MGAT5: variants seen among roughly 807,000 people sequenced by gnomAD.
MGAT5 encodes alpha-1,6-mannosylglycoprotein 6-beta-N-acetylglucosaminyltransferase A.
MGAT5 carries 30 observed loss-of-function variants against 94.3 expected under a neutral mutation model. That is an observed-to-expected ratio of 0.32 (90% CI 0.24 to 0.43). MGAT5 has a LOEUF of 0.43. Ranked by LOEUF, MGAT5 falls within the 20% of genes least tolerant of loss-of-function variation. MGAT5 has a pLI of 1.00. For missense variants in MGAT5, 691 were observed against 905.5 expected, an observed-to-expected ratio of 0.76 and a Z score of 3.04; for synonymous variants, 310 against 322.9, an observed-to-expected ratio of 0.96 and a Z score of 0.43.
intron 1 of MGAT5, among the ~76,000 whole-genome samples, chr2:134,189,612 T>TTTGTTTTGTTTTGTTTTG (rs1558978244): frequency 5.4e-5 from 5 of 92,900 alleles, no homozygotes; most frequent in African/African-American, 2.4e-4. Context: ...GTTTTTTTTT[T>TTTGTTTTGTTTTGTTTTG]TTTTTTTTAA....
intron 1 of MGAT5, among the ~76,000 whole-genome samples, chr2:134,166,358 C>G (rs1458279620): frequency 1.3e-5 from 2 of 152,206 alleles, no homozygotes; most frequent in African/African-American, 2.4e-5. Flanking sequence ...GACTTTTATT[C>G]TCTTCCTCTC....
intron 12 of MGAT5, among the ~76,000 whole-genome samples, chr2:134,420,494 C>G (rs1447573018): frequency 1.3e-5 from 2 of 152,134 alleles, no homozygotes; most frequent in African/African-American, 4.8e-5. Flanking sequence ...CTGCTGGGCC[C>G]AGGGACTTGT....
intron 14 of MGAT5, among the ~76,000 whole-genome samples, chr2:134,436,623 C>A (rs1277679609): frequency 6.6e-6 from 1 of 152,120 alleles, no homozygotes; most frequent in Admixed American, 6.5e-5. Context: ...CCCTGCTGGA[C>A]CTGAGGTGCA....
rs113282395 is a variant in MGAT5 at position 134,339,418 on chromosome 2, A to G, written c.807+998A>G. On this transcript the variant is annotated intron_variant, in intron 6 of 15. Transcript: ENST00000281923. ...TATACATAAAGATATATACAGATAC[A>G]TATATTTGCTTCTTGCTGTTAGTTT... is the stretch of plus-strand genomic sequence containing the variant. 5.9e-3 allele frequency among the ~76,000 whole-genome samples: 892 copies of G among 152,318 alleles called. 13 individuals are homozygous for G. Among genetic ancestry groups the G allele is most frequent in the African/African-American group, 0.02 (837 of 41,566 alleles).
chr2:134,178,367 G>A (rs867091297), intron 1 of MGAT5, among the ~76,000 whole-genome samples: 1 of 152,154 alleles, frequency 6.6e-6, no homozygotes, highest in Non-Finnish European at 1.5e-5. Flanking sequence ...TCCACCCCCA[G>A]GACTGTGGAG....
At chr2:134,127,270 G>A (rs1174359391) in intron 1 of MGAT5, 1 of 154,544 alleles carries the variant, frequency 6.5e-6, no homozygotes, top group Non-Finnish European at 1.5e-5. Flanking sequence ...CCTTCCCTCT[G>A]TAAAAAAGTT....
intron 1 of MGAT5, among the ~76,000 whole-genome samples, chr2:134,120,499 G>A (rs1202905569): frequency 6.6e-6 from 1 of 151,718 alleles, no homozygotes; most frequent in African/African-American, 2.4e-5. Flanking sequence ...GCAGGACGCC[G>A]GAGTGGAGCC....
intron 1 of MGAT5, among the ~76,000 whole-genome samples, chr2:134,184,762 C>G (rs1688919723): frequency 6.6e-6 from 1 of 151,990 alleles, no homozygotes; most frequent in Admixed American, 6.6e-5. Context: ...GAGCAGAGAA[C>G]ATGACTGAGC....
chr2:134,265,000 A>G (rs1032896252), intron 1 of MGAT5, among the ~76,000 whole-genome samples: 2 of 152,208 alleles, frequency 1.3e-5, no homozygotes, highest in African/African-American at 4.8e-5. Context: ...GTAGATCTCA[A>G]CCTTGGCTGT....
chr2:134,165,169 G>A (rs1687913098), intron 1 of MGAT5, among the ~76,000 whole-genome samples: 3 of 152,114 alleles, frequency 2.0e-5, no homozygotes. Context: ...TTTTCTTTAG[G>A]TTGAAATAAC....
intron 1 of MGAT5, among the ~76,000 whole-genome samples, chr2:134,202,405 G>T (rs1310990843): frequency 6.6e-6 from 1 of 152,246 alleles, no homozygotes; most frequent in African/African-American, 2.4e-5. Context: ...CATCTATGAA[G>T]CAGACAGTAG....
intron 1 of MGAT5, among the ~76,000 whole-genome samples, chr2:134,208,639 C>G (rs1680137408): frequency 6.6e-6 from 1 of 152,060 alleles, no homozygotes; most frequent in African/African-American, 2.4e-5. Context: ...ATATGTATAC[C>G]AGAAACATGG....
intron 1 of MGAT5, among the ~76,000 whole-genome samples, chr2:134,152,770 T>C (rs1045846617): frequency 8.5e-5 from 13 of 152,348 alleles, no homozygotes; most frequent in African/African-American, 3.1e-4. Flanking sequence ...TCTCTGACTT[T>C]AGCTGTATAT....
chr2:134,245,113 C>T (rs1682172213), intron 1 of MGAT5, among the ~76,000 whole-genome samples: 1 of 152,136 alleles, frequency 6.6e-6, no homozygotes, highest in Non-Finnish European at 1.5e-5. Flanking sequence ...CCCGGGTTCA[C>T]GCCATTCTCC....
In MGAT5 at chr2:134,266,160, C is replaced by CAAA. The variant is rs371430614; in HGVS notation, c.242-4211_242-4209dup. ...TTGGCCACAGAGCAAGACTCCATCT[C>CAAA]AAAAAAAAAAAAAAAAAGATTAAAA... On this transcript the variant is annotated intron_variant, in intron 1 of 15. Transcript: ENST00000281923. Among the ~76,000 whole-genome samples, 186 of 112,576 alleles carry CAAA rather than the reference C, an allele frequency of 1.7e-3. 2 individuals are homozygous for CAAA. Among genetic ancestry groups the CAAA allele is most frequent in the Middle Eastern group, 8.4e-3 (2 of 238 alleles). The allele number at this position is 112,576 out of a possible 152,430, so 73.9% of individuals were successfully genotyped here. A position where few individuals can be genotyped will look rare whatever the true frequency, so the allele number is the denominator to read the frequency against.
intron 2 of MGAT5, among the ~76,000 whole-genome samples, chr2:134,279,240 C>A (rs989667163): frequency 6.6e-6 from 1 of 152,152 alleles, no homozygotes; most frequent in South Asian, 2.1e-4. Flanking sequence ...TTTGACAGGT[C>A]CCTGAATCCT....
intron 11 of MGAT5, among the ~76,000 whole-genome samples, chr2:134,410,307 T>C (rs760353607): frequency 3.9e-5 from 6 of 152,232 alleles, no homozygotes; most frequent in Non-Finnish European, 7.3e-5. Context: ...TTAATACATC[T>C]GCTCCATTGT....
intron 3 of MGAT5, 134 bp downstream of exon 3, chr2:134,317,739 C>T: frequency 1.9e-6 from 1 of 531,828 alleles, no homozygotes; most frequent in Non-Finnish European, 3.1e-6. Flanking sequence ...TGCCTCCATC[C>T]TGCCGGCTTT....
In MGAT5 at chr2:134,323,475, T is replaced by G. The variant is rs77951321; in HGVS notation, c.573+4736T>G. ...ACTGTGGGTCAGCTATACACAATCT[T>G]ATTTAAACCTCTTGCCAACTCTAAA... is the stretch of plus-strand genomic sequence containing the variant. On this transcript the variant is annotated intron_variant, in intron 4 of 15. Transcript: ENST00000281923. Among the ~76,000 whole-genome samples the G allele has an allele frequency of 3.0e-3, 460 of 152,226 alleles. 3 individuals are homozygous for G. Among genetic ancestry groups the G allele is most frequent in the Middle Eastern group, 0.014 (4 of 294 alleles).
Sources: allele counts gnomAD v4.1 joint callset (sites outside exome capture counted in the v4.1 genomes callset), GRCh38; gene constraint gnomAD v4.1.1; transcripts MANE v1.5; gene names NCBI Gene and HGNC (gene_info 2026-07-23, HGNC 2026-07-21).